The following TMEM117 variants were observed in gnomAD, a reference collection of about 807,000 sequenced individuals.
TMEM117 encodes transmembrane protein 117.
A neutral mutation model predicts 52.4 loss-of-function variants in TMEM117; 27 were observed. That is an observed-to-expected ratio of 0.51 (90% CI 0.38 to 0.71). TMEM117 has a LOEUF of 0.71. TMEM117 is among the 30% of genes least tolerant of loss of function. The probability of loss-of-function intolerance (pLI) is 0.00; values close to 1 mark genes in which losing one functional copy is unlikely to be tolerated. For missense variants in TMEM117, 556 were observed against 630.5 expected (o/e 0.88, Z 1.26); for synonymous variants, 215 against 206.3 (o/e 1.04, Z -0.36).
the TMEM117 span, chr12:43,806,079 A>G: frequency 2.6e-6 from 4 of 1,517,646 alleles, no homozygotes; most frequent in South Asian, 1.2e-5. Flanking sequence ...GAGCGCGGAG[A>G]GGCGCCGAGG....
At chr12:43,954,493 C>A (rs1442627567) in intron 3 of TMEM117, among the ~76,000 whole-genome samples, 1 of 152,102 alleles carries the variant, frequency 6.6e-6, no homozygotes, top group African/African-American at 2.4e-5. Context: ...GAAATACAGA[C>A]AACCCTCAGA....
At chr12:43,875,857 C>T (rs562109916) in intron 2 of TMEM117, among the ~76,000 whole-genome samples, 7 of 152,098 alleles carry the variant, frequency 4.6e-5, no homozygotes, top group East Asian at 1.9e-4. Context: ...TTATATATTA[C>T]GTTTTTTTTT....
chr12:43,957,851 A>G (rs182537202), intron 3 of TMEM117, among the ~76,000 whole-genome samples: 226 of 152,336 alleles, frequency 1.5e-3, no homozygotes, highest in Non-Finnish European at 2.3e-3. Flanking sequence ...ATGATAATGT[A>G]TAATGTACAA....
chr12:44,299,817 C>T, intron 6 of TMEM117, 78 bp downstream of exon 6: 3 of 1,502,832 alleles, frequency 2.0e-6, no homozygotes, highest in Non-Finnish European at 2.7e-6. Context: ...TGGCAACAGG[C>T]TCCATAAATC....
chr12:43,809,022 A>C, the TMEM117 span, among the ~76,000 whole-genome samples: 182 of 152,308 alleles, frequency 1.2e-3, 2 homozygotes, highest in African/African-American at 3.8e-3. Flanking sequence ...TTGACCTATG[A>C]AATGGTAGTT....
At chr12:44,185,015 T>G (rs1949257698) in intron 4 of TMEM117, among the ~76,000 whole-genome samples, 2 of 152,196 alleles carry the variant, frequency 1.3e-5, no homozygotes, top group South Asian at 4.1e-4. Context: ...AATAACCATG[T>G]CACCTCTTTC....
At chr12:43,835,592 C>T (rs1943012727), upstream of TMEM117, among the ~76,000 whole-genome samples, 1 of 152,108 alleles carries the variant, frequency 6.6e-6, no homozygotes, top group South Asian at 2.1e-4. Flanking sequence ...CACCAACAGA[C>T]AAAAACAGAA....
At chr12:44,218,234 A>C (rs979865603) in intron 5 of TMEM117, among the ~76,000 whole-genome samples, 1 of 152,046 alleles carries the variant, frequency 6.6e-6, no homozygotes, top group African/African-American at 2.4e-5. Context: ...AAAAAACAAA[A>C]AACAAAAAAC....
chr12:44,104,879 TTTTTC>T (rs1947925809), intron 3 of TMEM117, among the ~76,000 whole-genome samples: 1 of 151,878 alleles, frequency 6.6e-6, no homozygotes. Context: ...GTAAGGTATT[TTTTTC>T]CCCTGGGTTC....
intron 6 of TMEM117, among the ~76,000 whole-genome samples, chr12:44,326,265 G>A (rs1267546747): frequency 6.6e-6 from 1 of 152,040 alleles, no homozygotes; most frequent in Non-Finnish European, 1.5e-5. Flanking sequence ...TGTTATTAAT[G>A]CAGAAATCCA....
At chr12:44,210,006 C>T (rs1443579080) in intron 4 of TMEM117, among the ~76,000 whole-genome samples, 1 of 152,050 alleles carries the variant, frequency 6.6e-6, no homozygotes, top group African/African-American at 2.4e-5. Flanking sequence ...TAAATTTCAC[C>T]CATTTCAAGG....
At chr12:43,805,218 T>C in the TMEM117 span, among the ~76,000 whole-genome samples, 1 of 152,228 alleles carries the variant, frequency 6.6e-6, no homozygotes, top group African/African-American at 2.4e-5. Flanking sequence ...CAAGAACCAC[T>C]ATGTAAGTAG....
intron 4 of TMEM117, among the ~76,000 whole-genome samples, chr12:44,150,362 T>C (rs1474554865): frequency 6.6e-6 from 1 of 152,110 alleles, no homozygotes; most frequent in East Asian, 1.9e-4. Context: ...TTCTATGGTG[T>C]CACATAAAGT....
chr12:43,882,871 G>A (rs916480013), intron 2 of TMEM117, among the ~76,000 whole-genome samples: 3 of 152,134 alleles, frequency 2.0e-5, no homozygotes, highest in Non-Finnish European at 2.9e-5. Context: ...AAAAAACTAA[G>A]ATTAACGATA....
the TMEM117 span, chr12:43,797,150 A>C: frequency 6.6e-7 from 1 of 1,513,784 alleles, no homozygotes; most frequent in Non-Finnish European, 9.0e-7. Context: ...CATAAACTTC[A>C]TAAAACTACA....
chr12:43,987,631 A>G lies in TMEM117; in HGVS notation c.410+43289A>G, dbSNP rs983603790. 2.6e-5 allele frequency among the ~76,000 whole-genome samples: 4 copies of G among 151,786 alleles called. No individual in the cohort carries two copies. In the South Asian group the frequency reaches 8.3e-4, roughly 32 times the overall value. On this transcript the variant is annotated intron_variant, in intron 3 of 7. Coordinates refer to ENST00000266534, the MANE Select transcript of TMEM117 (RefSeq NM_032256.3). ...TAATCTAATGGACAAAAAATTGAGT[A>G]TTATTTTAATTTGTGTTATTTTAGG...
chr12:43,797,480 T>C, the TMEM117 span: 8 of 1,527,552 alleles, frequency 5.2e-6, no homozygotes, highest in African/African-American at 1.4e-5. Context: ...AATATGTTCA[T>C]TAAAACCAGA....
At chr12:44,171,810 A>G (rs902029025) in intron 4 of TMEM117, among the ~76,000 whole-genome samples, 2 of 152,132 alleles carry the variant, frequency 1.3e-5, no homozygotes, top group Non-Finnish European at 2.9e-5. Flanking sequence ...GAGATGATTA[A>G]GGAATGCCTC....
intron 3 of TMEM117, among the ~76,000 whole-genome samples, chr12:43,986,478 T>C (rs1342790621): frequency 2.0e-5 from 3 of 152,168 alleles, no homozygotes; most frequent in African/African-American, 7.2e-5. Context: ...TGCTGATGTC[T>C]TTATGATTTT....
Sources: allele counts gnomAD v4.1 joint callset (sites outside exome capture counted in the v4.1 genomes callset), GRCh38; gene constraint gnomAD v4.1.1; transcripts MANE v1.5; gene names NCBI Gene and HGNC (gene_info 2026-07-23, HGNC 2026-07-21).